DUS2: variants seen among roughly 807,000 people sequenced by gnomAD.
The protein encoded by DUS2 is tRNA-dihydrouridine(20) synthase [NAD(P)+]-like.
Under a neutral mutation model 71.3 loss-of-function variants are expected in DUS2, and 52 were observed. The observed-to-expected ratio is 0.73, with a 90% confidence interval of 0.58 to 0.92. The LOEUF (loss-of-function observed/expected upper bound fraction) is 0.92, where lower values mean the gene tolerates loss of function less well. Among genes scored for constraint, DUS2 ranks in the 40% least tolerant of loss-of-function variants. DUS2 has a pLI of 0.00. For missense variants in DUS2, 558 were observed against 622.6 expected, an observed-to-expected ratio of 0.90 and a Z score of 1.10; for synonymous variants, 204 against 227.8, an observed-to-expected ratio of 0.90 and a Z score of 0.94.
intron 15 of DUS2, 98 bp from the exon 16 acceptor site, chr16:68,078,347 G>A (rs2034187059): frequency 1.7e-6 from 2 of 1,185,280 alleles, no homozygotes; most frequent in African/African-American, 1.5e-5. Context: ...GACTTAGGTT[G>A]GAAACACTTC....
intron 2 of DUS2, among the ~76,000 whole-genome samples, chr16:68,028,417 C>T (rs1342738193): frequency 6.6e-6 from 1 of 151,940 alleles, no homozygotes; most frequent in Admixed American, 6.6e-5. Flanking sequence ...GGGTGAATCA[C>T]GAAGTCAGGA....
At chr16:68,041,141 G>A (rs1377885572) in intron 3 of DUS2, among the ~76,000 whole-genome samples, 2 of 152,108 alleles carry the variant, frequency 1.3e-5, no homozygotes, top group South Asian at 2.1e-4. Context: ...CAGGAGAAAC[G>A]CCTGAACCTG....
At chr16:68,076,526 A>T in intron 14 of DUS2, 106 bp from the exon 15 acceptor site, 6 of 779,024 alleles carry the variant, frequency 7.7e-6, no homozygotes, top group Non-Finnish European at 1.3e-5. Flanking sequence ...TCGGTGTCTC[A>T]GTTCCTCTCA....
At chr16:68,076,900 G>GC (rs2034166237) in intron 15 of DUS2, among the ~76,000 whole-genome samples, 181 bp downstream of exon 15, 2 of 150,526 alleles carry the variant, frequency 1.3e-5, no homozygotes, top group African/African-American at 5.0e-5. Context: ...GTCCAGTTCA[G>GC]CCAGACATCT....
chr16:68,026,099 T>G (rs999418496), intron 2 of DUS2, among the ~76,000 whole-genome samples: 8 of 152,292 alleles, frequency 5.3e-5, no homozygotes, highest in South Asian at 2.1e-4. Flanking sequence ...CAAGTGATTC[T>G]TCTGCCTCAG....
chr16:68,045,669 AT>A (rs2033689979), intron 3 of DUS2, among the ~76,000 whole-genome samples: 1 of 148,680 alleles, frequency 6.7e-6, no homozygotes, highest in African/African-American at 2.5e-5. Context: ...TCTAATATGG[AT>A]GCCTTTTATT....
At chr16:68,060,847 CA>C (rs949018274) in intron 7 of DUS2, among the ~76,000 whole-genome samples, 7 of 144,020 alleles carry the variant, frequency 4.9e-5, no homozygotes, top group African/African-American at 1.0e-4. Context: ...GAATCTGTCT[CA>C]AAAAAAAAAG....
intron 15 of DUS2, among the ~76,000 whole-genome samples, chr16:68,077,154 T>G (rs993814698): frequency 1.3e-5 from 2 of 151,794 alleles, no homozygotes; most frequent in African/African-American, 4.8e-5. Flanking sequence ...CTTGGGAGGC[T>G]GAGGCAGAGA....
At chr16:68,078,338 A>T in intron 15 of DUS2, 107 bp from the exon 16 acceptor site, 1 of 1,071,780 alleles carries the variant, frequency 9.3e-7, no homozygotes, top group Non-Finnish European at 1.4e-6. Flanking sequence ...CCTTCATTTG[A>T]CTTAGGTTGG....
intron 2 of DUS2, among the ~76,000 whole-genome samples, chr16:68,036,028 C>T (rs1385592316): frequency 6.9e-6 from 1 of 145,258 alleles, no homozygotes; most frequent in Non-Finnish European, 1.5e-5. Flanking sequence ...ATGGAGTTTT[C>T]CTCTGTTGCT....
chr16:68,044,766 T>C (rs1405808999), intron 3 of DUS2, among the ~76,000 whole-genome samples: 4 of 152,078 alleles, frequency 2.6e-5, no homozygotes, highest in Admixed American at 6.6e-5. Flanking sequence ...CCTCTTTTTT[T>C]GAATTATTTC....
Position 68,079,055 on chromosome 16 carries a change from A to G in DUS2, c.*69A>G. 7.5e-7 allele frequency: 1 copy of G among 1,336,950 alleles called. No homozygotes were observed. 82.8% of individuals were successfully genotyped at this position (1,336,950 alleles called of 1,614,324 possible). On this transcript the variant is annotated 3_prime_UTR_variant, in exon 17 of 17. Coordinates refer to ENST00000565263, the MANE Select transcript of DUS2 (RefSeq NM_017803.5). Reference sequence around the variant, plus strand: ...AGGTGGCTGTGGATGCCACAGCATGAACCAGATGCCGTTGAACAGTTTGCT... The same window carrying G: ...AGGTGGCTGTGGATGCCACAGCATGGACCAGATGCCGTTGAACAGTTTGCT...
Position 68,079,035 on chromosome 16 carries a change from G to A in DUS2, c.*49G>A. Reference sequence around the variant, plus strand: ...CCTCCATGGGCCTGGTGCTAAGGTGGCTGTGGATGCCACAGCATGAACCAG... The same window carrying A: ...CCTCCATGGGCCTGGTGCTAAGGTGACTGTGGATGCCACAGCATGAACCAG... On this transcript the variant is annotated 3_prime_UTR_variant, in exon 17 of 17. Transcript: ENST00000565263. The A allele has an allele frequency of 6.9e-7, 1 of 1,455,304 alleles. No homozygotes were observed. The highest frequency in any genetic ancestry group is 9.2e-7 in the Non-Finnish European group (1 of 1,081,342). 90.1% of individuals were successfully genotyped at this position (1,455,304 alleles called of 1,614,324 possible).
chr16:68,069,226 T>TA (rs1202391857), intron 10 of DUS2, among the ~76,000 whole-genome samples: 3 of 151,674 alleles, frequency 2.0e-5, no homozygotes, highest in Admixed American at 1.3e-4. Context: ...CTGTTTCTAC[T>TA]AAAAAAAATA....
intron 2 of DUS2, among the ~76,000 whole-genome samples, chr16:68,026,043 T>G (rs148088413): frequency 1.1e-4 from 17 of 152,298 alleles, no homozygotes; most frequent in African/African-American, 3.8e-4. Context: ...CAGGCTAGAC[T>G]TCAGTGGTGC....
intron 4 of DUS2, among the ~76,000 whole-genome samples, chr16:68,052,080 T>G (rs1360599530): frequency 6.6e-6 from 1 of 151,642 alleles, no homozygotes; most frequent in Non-Finnish European, 1.5e-5. Flanking sequence ...TTTTTTTGTA[T>G]TTTAGTAGAG....
chr16:68,053,730 A>G lies in DUS2; in HGVS notation c.264+75A>G, dbSNP rs940512191. On this transcript the variant is annotated intron_variant, in intron 5 of 16. Coordinates refer to ENST00000565263, the MANE Select transcript of DUS2 (RefSeq NM_017803.5). The stretch of plus-strand genomic sequence containing the variant: ...GATTTCCCAACTCATGCCCTGTGCC[A>G]GGCCAGTGTTGAATACCTGGGGTAC... 1.1e-5 allele frequency: 17 copies of G among 1,518,068 alleles called. No homozygotes were observed. In the East Asian group the frequency reaches 1.8e-4, roughly 16 times the overall value. 94.0% of individuals were successfully genotyped at this position (1,518,068 alleles called of 1,614,324 possible).
At position 68,053,662 on chromosome 16, in the gene DUS2, G is replaced by A. The variant is rs767686563; in HGVS notation, c.264+7G>A. ...CAGGGTGGTCTTCCAGATGGTGAGAGACTCCATTGCTGCATGCCCTCCTGA... is the reference window on the plus strand; with the variant it reads ...CAGGGTGGTCTTCCAGATGGTGAGAAACTCCATTGCTGCATGCCCTCCTGA... On this transcript the variant is annotated splice_region_variant and intron_variant, in intron 5 of 16. Coordinates refer to ENST00000565263, the MANE Select transcript of DUS2 (RefSeq NM_017803.5). 18 of 1,614,012 alleles carry A rather than the reference G, an allele frequency of 1.1e-5. No homozygotes were observed. In the South Asian group the frequency reaches 1.5e-4, roughly 14 times the overall value.
rs547481966 is a variant in DUS2 at position 68,038,353 on chromosome 16, C to T, written c.126+204C>T. ...GTCCAGGAGCCTGGTAGCACAGAAGCGTTCTGGGATACCCTGGGCCGGGTG... is the reference window on the plus strand; with the variant it reads ...GTCCAGGAGCCTGGTAGCACAGAAGTGTTCTGGGATACCCTGGGCCGGGTG... On this transcript the variant is annotated intron_variant, in intron 3 of 16. Coordinates refer to ENST00000565263, the MANE Select transcript of DUS2 (RefSeq NM_017803.5). Among the ~76,000 whole-genome samples, 4 of 152,226 alleles carry T rather than the reference C, an allele frequency of 2.6e-5. No individual in the cohort carries two copies. The South Asian group carries it at 6.2e-4, about 24-fold the overall frequency.
Sources: allele counts gnomAD v4.1 joint callset (sites outside exome capture counted in the v4.1 genomes callset), GRCh38; gene constraint gnomAD v4.1.1; transcripts MANE v1.5; gene names NCBI Gene and HGNC (gene_info 2026-07-23, HGNC 2026-07-21).